Variants in PDE4DIP observed in about 807,000 individuals in gnomAD.
PDE4DIP encodes the protein phosphodiesterase 4D interacting protein.
PDE4DIP carries 59 observed loss-of-function variants against 221.4 expected under a neutral mutation model. The ratio of observed to expected loss-of-function variants is 0.27; its 90% CI spans 0.22 to 0.33. The LOEUF is 0.33. Ranked by LOEUF, PDE4DIP falls within the 10% of genes least tolerant of loss-of-function variation. The probability of loss-of-function intolerance (pLI) is 1.00; values close to 1 mark genes in which losing one functional copy is unlikely to be tolerated. For synonymous variants in PDE4DIP, 404 were observed against 815.9 expected, an observed-to-expected ratio of 0.50 and a Z score of 8.60; for missense variants, 1,036 against 2,154.2, an observed-to-expected ratio of 0.48 and a Z score of 10.28.
At chr1:148,984,919 C>G (rs1202685386) in intron 21 of PDE4DIP, 1 of 151,932 alleles carries the variant, frequency 6.6e-6, no homozygotes, top group Non-Finnish European at 1.5e-5. Flanking sequence ...ATTTGGCATC[C>G]CTGAAAAGCT....
intron 3 of PDE4DIP, among the ~76,000 whole-genome samples, chr1:148,883,284 CTT>C (rs1694512814): frequency 7.5e-6 from 1 of 132,486 alleles, no homozygotes; most frequent in Admixed American, 7.6e-5. Flanking sequence ...AAGCACTACT[CTT>C]CTGTTTTTCT....
intron 22 of PDE4DIP, among the ~76,000 whole-genome samples, chr1:148,995,873 TA>T (rs1219586276): frequency 5.1e-5 from 6 of 118,634 alleles, no homozygotes; most frequent in East Asian, 2.4e-4. Flanking sequence ...AATAATAAAA[TA>T]AAAAAATAAA....
At chr1:148,892,330 C>T (rs1553437897) in intron 1 of PDE4DIP, among the ~76,000 whole-genome samples, 2 of 122,266 alleles carry the variant, frequency 1.6e-5, no homozygotes, top group Non-Finnish European at 3.3e-5. Context: ...AATCAGATGG[C>T]TGTCTGGATC....
At chr1:148,967,495 C>CA (rs2058400550) in intron 12 of PDE4DIP, among the ~76,000 whole-genome samples, 2 of 152,210 alleles carry the variant, frequency 1.3e-5, no homozygotes, top group Non-Finnish European at 1.5e-5. Flanking sequence ...GCACTTCCTC[C>CA]AAAATACTTC....
chr1:148,898,517 C>T (rs1382522598), intron 1 of PDE4DIP, among the ~76,000 whole-genome samples: 1 of 58,678 alleles, frequency 1.7e-5, no homozygotes, highest in African/African-American at 8.1e-5. Flanking sequence ...AAAGGCATTT[C>T]TTTTTTCTTC....
intron 1 of PDE4DIP, among the ~76,000 whole-genome samples, chr1:148,857,829 G>A (rs2596295): frequency 0.089 from 5,622 of 63,304 alleles, 14 homozygotes; most frequent in East Asian, 0.24. Context: ...CTTGAGGAGG[G>A]GGAAAGGTAA....
chr1:149,017,852 C>T (rs781872392), exon 34 of PDE4DIP: 23 of 1,613,396 alleles, frequency 1.4e-5, no homozygotes, highest in East Asian at 6.7e-5. Context: ...ACTGGAACAC[C>T]GGCTGACCTC....
intron 1 of PDE4DIP, 78 bp from the exon 5 acceptor site, chr1:148,929,118 CA>C: frequency 1.4e-6 from 2 of 1,414,020 alleles, no homozygotes; most frequent in Non-Finnish European, 1.9e-6. Flanking sequence ...TGGACCAAGG[CA>C]AGACTCAAAT....
chr1:149,018,006 C>T (rs2071285328), intron 34 of PDE4DIP, 127 bp downstream of exon 37: 2 of 749,886 alleles, frequency 2.7e-6, no homozygotes, highest in East Asian at 2.5e-5. Context: ...CAAGTACTGT[C>T]ATCCCTACTT....
chr1:148,978,188 G>T, intron 18 of PDE4DIP, 90 bp from the exon 22 acceptor site: 3 of 1,316,846 alleles, frequency 2.3e-6, no homozygotes, highest in Non-Finnish European at 3.2e-6. Context: ...AGTATAGGCA[G>T]AATATTTCAA....
At chr1:148,916,162 A>AATATGTG (rs2044024782) in intron 1 of PDE4DIP, among the ~76,000 whole-genome samples, 1 of 151,726 alleles carries the variant, frequency 6.6e-6, no homozygotes, top group Admixed American at 6.6e-5. Flanking sequence ...AGTAAAAAGA[A>AATATGTG]ATATGTGAAA....
chr1:149,024,224 A>C (rs1353136703), intron 37 of PDE4DIP: 1 of 509,836 alleles, frequency 2.0e-6, no homozygotes, highest in East Asian at 4.2e-5. Flanking sequence ...CTATAGGTGC[A>C]TGTGTGTAAC....
chr1:148,962,694 CT>C (rs2057216519), intron 9 of PDE4DIP, 54 bp downstream of exon 12: 1 of 510,086 alleles, frequency 2.0e-6, no homozygotes. Context: ...CTGATCATAA[CT>C]TTTTAGCAGG....
intron 20 of PDE4DIP, 91 bp downstream of exon 23, chr1:148,979,940 C>A (rs2060811826): frequency 6.8e-6 from 10 of 1,472,804 alleles, no homozygotes; most frequent in Middle Eastern, 1.9e-4. Context: ...TCATTAAGTG[C>A]AGATGCTTAT....
intron 1 of PDE4DIP, among the ~76,000 whole-genome samples, chr1:148,827,629 T>G (rs1670901456): frequency 8.9e-6 from 1 of 112,214 alleles, no homozygotes; most frequent in Non-Finnish European, 2.0e-5. Flanking sequence ...CATTAAATAT[T>G]TAGGGGTGAA....
chr1:149,030,692 T>C lies in PDE4DIP; in HGVS notation c.6999+414T>C, dbSNP rs1260078045. Reference sequence around the variant, plus strand: ...TCTTCATGAAAAAGTAAAAGCAATTTGCAACCTAATAAACTGATTTCACTG... The same window carrying C: ...TCTTCATGAAAAAGTAAAAGCAATTCGCAACCTAATAAACTGATTTCACTG... On this transcript the variant is annotated intron_variant, in intron 43 of 43. Transcript: ENST00000369354. 11 of 980,766 alleles carry C rather than the reference T, an allele frequency of 1.1e-5. No homozygotes were observed. The African/African-American group carries it at 1.7e-4, about 16-fold the overall frequency. The allele number at this position is 980,766 out of a possible 1,614,324, so 60.8% of individuals were successfully genotyped here. A position where few individuals can be genotyped will look rare whatever the true frequency, so the allele number is the denominator to read the frequency against.
At chr1:148,985,040 C>A (rs1238241715) in intron 21 of PDE4DIP, 1 of 152,052 alleles carries the variant, frequency 6.6e-6, no homozygotes, top group Non-Finnish European at 1.5e-5. Flanking sequence ...ATATTAGTAA[C>A]CCACACACTT....
At chr1:148,978,551 C>T (rs2060579597) in intron 19 of PDE4DIP, 136 bp downstream of exon 22, 2 of 578,556 alleles carry the variant, frequency 3.5e-6, no homozygotes, top group Admixed American at 2.9e-5. Flanking sequence ...ATCCATCCTC[C>T]TCGGCCCCTC....
intron 23 of PDE4DIP, 26 bp downstream of exon 26, chr1:148,998,401 G>A (rs781822371): frequency 1.5e-5 from 21 of 1,427,718 alleles, no homozygotes; most frequent in Non-Finnish European, 1.7e-5. Flanking sequence ...CAGGGAAGGG[G>A]AGCTTGCAGG....
Sources: allele counts gnomAD v4.1 joint callset (sites outside exome capture counted in the v4.1 genomes callset), GRCh38; gene constraint gnomAD v4.1.1; transcripts MANE v1.5; gene names NCBI Gene and HGNC (gene_info 2026-07-23, HGNC 2026-07-21).